SLC36A1: variants seen among roughly 807,000 people sequenced by gnomAD.
The protein encoded by SLC36A1 is solute carrier family 36 member 1.
In SLC36A1, 30 loss-of-function variants were observed where a neutral mutation model predicts 47.5. The ratio of observed to expected loss-of-function variants is 0.63; its 90% CI spans 0.47 to 0.86. SLC36A1 has a LOEUF of 0.86. Ranked by LOEUF, SLC36A1 falls within the 40% of genes least tolerant of loss-of-function variation. The pLI, the probability that SLC36A1 is intolerant of heterozygous loss-of-function variation, is 0.00. For missense variants in SLC36A1, 517 were observed against 606.0 expected (o/e 0.85, Z 1.54); for synonymous variants, 255 against 249.7 (o/e 1.02, Z -0.20).
At chr5:151,523,944 G>A in the SLC36A1 span, among the ~76,000 whole-genome samples, 2 of 152,038 alleles carry the variant, frequency 1.3e-5, no homozygotes, top group Non-Finnish European at 1.5e-5. Flanking sequence ...CCCCTGAATC[G>A]TCTCTGTTCT....
the SLC36A1 span, among the ~76,000 whole-genome samples, chr5:151,372,268 C>A: frequency 6.6e-6 from 1 of 152,110 alleles, no homozygotes; most frequent in East Asian, 1.9e-4. Context: ...ACCTTCCCAG[C>A]ATGCTGGGAG....
the SLC36A1 span, among the ~76,000 whole-genome samples, chr5:151,555,659 C>T: frequency 3.3e-5 from 5 of 152,136 alleles, no homozygotes; most frequent in African/African-American, 9.7e-5. Flanking sequence ...CATGAGCCAC[C>T]GTGCCTGGCT....
the SLC36A1 span, among the ~76,000 whole-genome samples, chr5:151,366,890 T>A: frequency 6.6e-6 from 1 of 152,192 alleles, no homozygotes; most frequent in East Asian, 1.9e-4. Flanking sequence ...AAGACCGTGA[T>A]GCCCACCTAA....
the SLC36A1 span, among the ~76,000 whole-genome samples, chr5:151,365,641 G>A: frequency 6.6e-6 from 1 of 152,212 alleles, no homozygotes; most frequent in Non-Finnish European, 1.5e-5. Context: ...CTGAGTCAGG[G>A]ACAGGGTTTA....
Position 151,487,999 on chromosome 5 carries a change from C to T in SLC36A1, c.1176C>T (p.Leu392=), listed in dbSNP as rs1275464108. ...TCCCTGCAGGCATCTTGGCCATCCT[C>T]ATCCCCCGCCTGGACCTGGTCATCT... ...LVCLTCILAI[L]IPRLDLVISL... is the part of the protein sequence containing the mutation. Residue 392 remains leucine (L), a synonymous_variant, in exon 11 of 11, where the codon CTC becomes CTT. Transcript: ENST00000243389. The T allele has an allele frequency of 6.2e-6, 10 of 1,614,086 alleles. No individual in the cohort carries two copies. The highest frequency in any genetic ancestry group is 8.5e-6 in the Non-Finnish European group (10 of 1,180,016).
At chr5:151,382,349 C>T in the SLC36A1 span, 18 of 800,104 alleles carry the variant, frequency 2.2e-5, no homozygotes, top group African/African-American at 2.1e-4. Flanking sequence ...TAGATCTGGC[C>T]ATGCGCCAGC....
chr5:151,431,422 G>A, the SLC36A1 span: 1 of 152,260 alleles, frequency 6.6e-6, no homozygotes, highest in Non-Finnish European at 1.5e-5. Context: ...GGCCCAGGCA[G>A]GTGGATACCT....
At chr5:151,445,880 A>T (rs187619814), upstream of SLC36A1, among the ~76,000 whole-genome samples, 8 of 151,504 alleles carry the variant, frequency 5.3e-5, no homozygotes, top group Admixed American at 3.9e-4. Context: ...TTTTTTTCTT[A>T]GACTAGCAAA....
At chr5:151,358,399 G>C in the SLC36A1 span, among the ~76,000 whole-genome samples, 8 of 151,986 alleles carry the variant, frequency 5.3e-5, no homozygotes, top group African/African-American at 1.9e-4. Context: ...AGCATCCCAA[G>C]TATCTGAAAC....
At chr5:151,504,977 G>A in the SLC36A1 span, 1 of 154,142 alleles carries the variant, frequency 6.5e-6, no homozygotes, top group African/African-American at 2.4e-5. Flanking sequence ...AAAGCACAGT[G>A]CCTGACGTGG....
Position 151,491,708 on chromosome 5 carries a change from G to A in SLC36A1, c.*3454G>A, listed in dbSNP as rs543689172. The stretch of plus-strand genomic sequence containing the variant: ...TGCTGAGATGTTAAGGCAAGCCTCA[G>A]CATCTGCCCCTGCTGGGTGCACAAT... On this transcript the variant is annotated 3_prime_UTR_variant, in exon 11 of 11. Transcript: ENST00000243389. 6.6e-6 allele frequency: 1 copy of A among 152,666 alleles called. No homozygotes were observed. Among genetic ancestry groups the A allele is most frequent in the African/African-American group, 2.4e-5 (1 of 41,458 alleles). The allele number at this position is 152,666 out of a possible 1,614,324, so 9.5% of individuals were successfully genotyped here.
the SLC36A1 span, chr5:151,550,737 C>T: frequency 1.2e-6 from 2 of 1,614,124 alleles, no homozygotes; most frequent in Admixed American, 1.7e-5. Context: ...GGCTTTTGCC[C>T]TTGTCTTGAT....
the SLC36A1 span, chr5:151,537,835 G>A: frequency 6.2e-7 from 1 of 1,614,120 alleles, no homozygotes; most frequent in Non-Finnish European, 8.5e-7. Context: ...CCAGGGCCAT[G>A]CAGAGAATAT....
At chr5:151,551,145 A>G in the SLC36A1 span, among the ~76,000 whole-genome samples, 1 of 152,198 alleles carries the variant, frequency 6.6e-6, no homozygotes, top group East Asian at 1.9e-4. Flanking sequence ...AACAGATAAA[A>G]CACTGGCTGA....
intron 7 of SLC36A1, among the ~76,000 whole-genome samples, chr5:151,472,798 A>T (rs1012458861): frequency 7.2e-5 from 11 of 152,268 alleles, no homozygotes; most frequent in Non-Finnish European, 1.6e-4. Flanking sequence ...ATAAATTAAA[A>T]TTAAAATTTT....
downstream of SLC36A1, among the ~76,000 whole-genome samples, chr5:151,492,951 T>C (rs1210217205): frequency 1.3e-5 from 2 of 152,178 alleles, no homozygotes; most frequent in South Asian, 2.1e-4. Context: ...CATACGGTCA[T>C]GGGAGCCAGT....
chr5:151,367,204 G>T, the SLC36A1 span, among the ~76,000 whole-genome samples: 2 of 152,104 alleles, frequency 1.3e-5, no homozygotes, highest in African/African-American at 4.8e-5. Context: ...TGAGAGCAGA[G>T]AACTGGTCTT....
the SLC36A1 span, among the ~76,000 whole-genome samples, chr5:151,528,534 C>CAGG: frequency 5.3e-5 from 8 of 152,120 alleles, no homozygotes; most frequent in Non-Finnish European, 1.2e-4. Context: ...CCTGAAGGAT[C>CAGG]AGGAGGTTCT....
the SLC36A1 span, chr5:151,544,328 C>T: frequency 1.2e-6 from 2 of 1,614,194 alleles, no homozygotes; most frequent in Middle Eastern, 1.7e-4. Context: ...GGAGGGTTAT[C>T]ATTGACATCC....
Sources: gnomAD v4.1 joint callset for allele counts (sites outside exome capture counted in the v4.1 genomes callset) on GRCh38, gnomAD v4.1.1 for gene constraint, MANE v1.5 for transcripts, NCBI Gene and HGNC (gene_info 2026-07-23, HGNC 2026-07-21) for gene names.